The following OPA1 variants were observed in gnomAD, a reference collection of about 807,000 sequenced individuals.
OPA1 encodes OPA1 mitochondrial dynamin like GTPase, also known as dynamin-like GTPase OPA1, mitochondrial.
Under a neutral mutation model 152.9 loss-of-function variants are expected in OPA1, and 59 were observed. That is an observed-to-expected ratio of 0.39 (90% CI 0.31 to 0.48). OPA1 has a LOEUF of 0.48. Among genes scored for constraint, OPA1 ranks in the 20% least tolerant of loss-of-function variants. The pLI is 0.96. For synonymous variants in OPA1, 400 were observed against 389.9 expected (o/e 1.03, Z -0.31); for missense variants, 1,008 against 1,216.8 (o/e 0.83, Z 2.55).
chr3:193,635,583 A>G (rs957335885), intron 9 of OPA1, 61 bp downstream of exon 9: 2 of 947,406 alleles, frequency 2.1e-6, no homozygotes, highest in Non-Finnish European at 1.7e-6. Flanking sequence ...TGTGTTCATC[A>G]GTACCAGTTT....
chr3:193,694,690 C>G lies in OPA1; in HGVS notation c.*90C>G, dbSNP rs1722098638. ...TCCAGCCTCTTTTTCTTCTGCTGTTCCACCTTTCTAAACATACAATAAAGT... is the reference window on the plus strand; with the variant it reads ...TCCAGCCTCTTTTTCTTCTGCTGTTGCACCTTTCTAAACATACAATAAAGT... On this transcript the variant is annotated 3_prime_UTR_variant, in exon 31 of 31. Coordinates refer to ENST00000361510, the MANE Select transcript of OPA1 (RefSeq NM_130837.3). 1 of 152,184 alleles carries G rather than the reference C, an allele frequency of 6.6e-6. No homozygotes were observed. The highest frequency in any genetic ancestry group is 2.4e-5 in the African/African-American group (1 of 41,444). 9.4% of individuals were successfully genotyped at this position (152,184 alleles called of 1,614,324 possible). A position where few individuals can be genotyped will look rare whatever the true frequency, so the allele number is the denominator to read the frequency against.
chr3:193,605,672 G>A (rs1452878590), intron 1 of OPA1, among the ~76,000 whole-genome samples: 2 of 152,158 alleles, frequency 1.3e-5, no homozygotes, highest in African/African-American at 2.4e-5. Context: ...AAACTCTTAA[G>A]ATTATTTCTG....
rs569466500 is a variant in OPA1, at chr3:193,617,372, T to A, written c.556+87T>A. Reference sequence around the variant, plus strand: ...GATTATTTGTTTATTCCCATTTTTTTAAAATTAAAATATTTAGTACCAATG... The same window carrying A: ...GATTATTTGTTTATTCCCATTTTTTAAAAATTAAAATATTTAGTACCAATG... On this transcript the variant is annotated intron_variant, in intron 4 of 30. Transcript: ENST00000361510. 115 of 781,762 alleles carry A rather than the reference T, an allele frequency of 1.5e-4. No individual in the cohort carries two copies. The African/African-American group carries it at 1.8e-3, about 12-fold the overall frequency. 48.4% of individuals were successfully genotyped at this position (781,762 alleles called of 1,614,324 possible).
chr3:193,629,740 T>C (rs1273633601), intron 7 of OPA1, among the ~76,000 whole-genome samples: 46 of 152,204 alleles, frequency 3.0e-4, no homozygotes, highest in Admixed American at 3.0e-3. Flanking sequence ...AACTTTTTTA[T>C]TTTACCAAAT....
At chr3:193,666,848 G>C (rs1716672362) in intron 28 of OPA1, among the ~76,000 whole-genome samples, 1 of 152,068 alleles carries the variant, frequency 6.6e-6, no homozygotes, top group South Asian at 2.1e-4. Context: ...AATTGGAAAA[G>C]ATGGGTGATA....
At chr3:193,622,418 A>G (rs926564942) in intron 6 of OPA1, among the ~76,000 whole-genome samples, 8 of 151,910 alleles carry the variant, frequency 5.3e-5, no homozygotes, top group Non-Finnish European at 7.4e-5. Flanking sequence ...TAGTAGAGAC[A>G]GGGTTTCACC....
chr3:193,685,194 C>G (rs901576422), intron 29 of OPA1, among the ~76,000 whole-genome samples: 3 of 151,742 alleles, frequency 2.0e-5, no homozygotes, highest in Non-Finnish European at 2.9e-5. Context: ...CCCAGCTACT[C>G]CGGAGGCTGA....
intron 29 of OPA1, among the ~76,000 whole-genome samples, chr3:193,670,280 T>TA (rs1189648864): frequency 1.7e-4 from 26 of 152,222 alleles, no homozygotes; most frequent in Admixed American, 1.6e-3. Flanking sequence ...TTCAGCCTGT[T>TA]ACAGAATATT....
At chr3:193,631,977 A>C (rs1415949429) in intron 8 of OPA1, among the ~76,000 whole-genome samples, 1 of 152,238 alleles carries the variant, frequency 6.6e-6, no homozygotes, top group Non-Finnish European at 1.5e-5. Flanking sequence ...ATACAGTTAA[A>C]GAAATTCGAG....
At chr3:193,690,410 C>G (rs576758077) in intron 29 of OPA1, among the ~76,000 whole-genome samples, 1 of 148,524 alleles carries the variant, frequency 6.7e-6, no homozygotes, top group South Asian at 2.1e-4. Flanking sequence ...CCTGTAGTCT[C>G]AGCTACTCAG....
At chr3:193,659,453 A>G in intron 24 of OPA1, 29 bp from the exon 25 acceptor site, 1 of 1,553,072 alleles carries the variant, frequency 6.4e-7, no homozygotes, top group Non-Finnish European at 8.8e-7. Flanking sequence ...AAGTGATAAA[A>G]TTCTTGATTA....
At chr3:193,595,356 A>T (rs1725323794) in intron 1 of OPA1, among the ~76,000 whole-genome samples, 1 of 152,274 alleles carries the variant, frequency 6.6e-6, no homozygotes, top group African/African-American at 2.4e-5. Context: ...TATTTTTAAA[A>T]GAATTACATA....
At chr3:193,617,087 G>T (rs113674158) in intron 3 of OPA1, 91 bp from the exon 4 acceptor site, 28 of 787,740 alleles carry the variant, frequency 3.6e-5, no homozygotes, top group African/African-American at 1.9e-4. Flanking sequence ...TTGTCATGAG[G>T]ATTAAACAAG....
At position 193,695,801 on chromosome 3, in the gene OPA1, G is replaced by A. The variant is rs1385088442; in HGVS notation, c.*1201G>A. ...GTTTGCTAAATCTTATTTTCTTGGA[G>A]TTGCTTTTTGGTAACAGCCCCATTG... On this transcript the variant is annotated 3_prime_UTR_variant, in exon 31 of 31. Coordinates refer to ENST00000361510, the MANE Select transcript of OPA1 (RefSeq NM_130837.3). 1 of 152,112 alleles carries A rather than the reference G, an allele frequency of 6.6e-6. No individual in the cohort carries two copies. Among genetic ancestry groups the A allele is most frequent in the African/African-American group, 2.4e-5 (1 of 41,416 alleles). 9.4% of individuals were successfully genotyped at this position (152,112 alleles called of 1,614,324 possible).
chr3:193,648,523 A>G, intron 20 of OPA1: 1 of 413,946 alleles, frequency 2.4e-6, no homozygotes, highest in Non-Finnish European at 4.4e-6. Flanking sequence ...CTAAATTAAT[A>G]TGTATTGATG....
chr3:193,683,852 A>G (rs1249292997), intron 29 of OPA1, among the ~76,000 whole-genome samples: 1 of 152,206 alleles, frequency 6.6e-6, no homozygotes, highest in African/African-American at 2.4e-5. Context: ...CGGAAAACCA[A>G]AAAACCTTAT....
At chr3:193,615,155 G>T in intron 2 of OPA1, 114 bp downstream of exon 2, 1 of 845,968 alleles carries the variant, frequency 1.2e-6, no homozygotes, top group Non-Finnish European at 2.0e-6. Flanking sequence ...TTTATTTTGT[G>T]TCTCTACCAT....
At chr3:193,679,891 A>C (rs1367780102) in intron 29 of OPA1, among the ~76,000 whole-genome samples, 3 of 152,228 alleles carry the variant, frequency 2.0e-5, no homozygotes, top group African/African-American at 4.8e-5. Context: ...GTTTAATGGA[A>C]TAAATGAAAT....
intron 27 of OPA1, among the ~76,000 whole-genome samples, 181 bp downstream of exon 27, chr3:193,665,177 C>T (rs941865266): frequency 2.0e-5 from 3 of 151,624 alleles, no homozygotes; most frequent in South Asian, 2.1e-4. Context: ...CCACTTTGTT[C>T]GTGATACGTG....
Sources: allele counts gnomAD v4.1 joint callset (sites outside exome capture counted in the v4.1 genomes callset), GRCh38; gene constraint gnomAD v4.1.1; transcripts MANE v1.5; gene names NCBI Gene and HGNC (gene_info 2026-07-23, HGNC 2026-07-21).